Variants in AMBP observed in about 807,000 individuals in gnomAD.
AMBP encodes the protein protein AMBP.
Under a neutral mutation model 46.3 loss-of-function variants are expected in AMBP, and 37 were observed. The ratio of observed to expected loss-of-function variants is 0.80; its 90% CI spans 0.61 to 1.05. The LOEUF (loss-of-function observed/expected upper bound fraction) is 1.05. Among genes scored for constraint, AMBP ranks in the 50% least tolerant of loss-of-function variants. AMBP has a pLI of 0.00. For synonymous variants in AMBP, 174 were observed against 175.9 expected (o/e 0.99, Z 0.09); for missense variants, 475 against 461.2 (o/e 1.03, Z -0.27).
At chr9:114,063,478 C>A (rs1846662915) in intron 6 of AMBP, among the ~76,000 whole-genome samples, 1 of 152,148 alleles carries the variant, frequency 6.6e-6, no homozygotes, top group Non-Finnish European at 1.5e-5. Flanking sequence ...TCTTCCAGAC[C>A]AGTCTTAAGC....
intron 8 of AMBP, 50 bp from the exon 9 acceptor site, chr9:114,061,148 A>C: frequency 1.3e-6 from 2 of 1,597,540 alleles, no homozygotes; most frequent in Non-Finnish European, 1.7e-6. Flanking sequence ...GTGACTGCTG[A>C]TCAGACATAC....
chr9:114,061,673 T>G (rs1846640811), intron 7 of AMBP, 82 bp from the exon 8 acceptor site: 1 of 1,409,160 alleles, frequency 7.1e-7, no homozygotes, highest in Non-Finnish European at 9.5e-7. Context: ...ATGCGCCATC[T>G]CATTTAATTT....
At chr9:114,072,800 A>C in intron 5 of AMBP, 125 bp downstream of exon 5, 2 of 727,868 alleles carry the variant, frequency 2.7e-6, no homozygotes, top group East Asian at 5.5e-5. Context: ...TTCACTATGG[A>C]GGGGAGGCTG....
At chr9:114,065,616 C>T (rs760981801) in intron 6 of AMBP, among the ~76,000 whole-genome samples, 3 of 152,092 alleles carry the variant, frequency 2.0e-5, no homozygotes, top group Admixed American at 6.6e-5. Flanking sequence ...ATGTGCACCT[C>T]GGGGCAGTTC....
chr9:114,062,740 G>T lies in AMBP; in HGVS notation c.622C>A (p.Leu208Ile), dbSNP rs375306470. 4 of 1,614,086 alleles carry T rather than the reference G, an allele frequency of 2.5e-6. No homozygotes were observed. The highest frequency in any genetic ancestry group is 1.7e-4 in the Middle Eastern group (1 of 6,036). Residue 208 changes from leucine (L) to isoleucine (I), a missense_variant, in exon 7 of 10, where the codon CTA (leucine) becomes ATA (isoleucine). Coordinates refer to ENST00000265132, the MANE Select transcript of AMBP (RefSeq NM_001633.4). ...ILIPRVRRAV[L>I]PQEEEGSGGG... is the part of the protein sequence containing the mutation. ...CCTGATCCTTCCTCTTCTTGGGGTA[G>T]CACAGCCCTCCGGACTCTCTGCGGG... is the stretch of plus-strand genomic sequence containing the variant.
chr9:114,069,639 G>A (rs548297118), intron 6 of AMBP, 60 bp downstream of exon 6: 461 of 1,505,332 alleles, frequency 3.1e-4, no homozygotes, highest in Non-Finnish European at 4.0e-4. Context: ...AGTGTGCAGC[G>A]TGCCTGGGGC....
At chr9:114,074,802 G>T (rs1272233727) in intron 3 of AMBP, among the ~76,000 whole-genome samples, 158 bp downstream of exon 3, 1 of 152,086 alleles carries the variant, frequency 6.6e-6, no homozygotes, top group Non-Finnish European at 1.5e-5. Context: ...AGGAGAGGAG[G>T]AGAAGGAGGA....
intron 6 of AMBP, among the ~76,000 whole-genome samples, chr9:114,064,650 C>A (rs1846675159): frequency 6.8e-6 from 1 of 146,044 alleles, no homozygotes; most frequent in Non-Finnish European, 1.5e-5. Flanking sequence ...CCCCCCAATA[C>A]CTAACATTTA....
intron 7 of AMBP, among the ~76,000 whole-genome samples, chr9:114,062,265 T>TG (rs916930316): frequency 9.9e-5 from 15 of 152,244 alleles, no homozygotes; most frequent in African/African-American, 3.4e-4. Context: ...CTGATCGAGT[T>TG]GGAGAGGAAG....
At chr9:114,067,600 TG>T (rs1846706883) in intron 6 of AMBP, among the ~76,000 whole-genome samples, 2 of 152,176 alleles carry the variant, frequency 1.3e-5, no homozygotes, top group African/African-American at 4.8e-5. Flanking sequence ...AGACAGGTTT[TG>T]TTAAGATGTT....
Position 114,074,185 on chromosome 9 carries a change from C to G in AMBP, c.338-33G>C, listed in dbSNP as rs1053383313. 4 of 1,568,116 alleles carry G rather than the reference C, an allele frequency of 2.6e-6. No individual in the cohort carries two copies. The African/African-American group carries it at 5.4e-5, about 21-fold the overall frequency. On this transcript the variant is annotated intron_variant, in intron 3 of 9. Transcript: ENST00000265132. ...GGAGGTGCAGGCAGACCAAAGGGAT[C>G]AGTGGTCAGTAGACTCTTCTAGCTG...
intron 7 of AMBP, 107 bp downstream of exon 7, chr9:114,062,570 C>G: frequency 8.7e-7 from 1 of 1,155,160 alleles, no homozygotes; most frequent in Non-Finnish European, 1.3e-6. Flanking sequence ...CCTTGAGTCT[C>G]TAACAGATAA....
Position 114,078,074 on chromosome 9 carries a change from C to G in AMBP, c.117+19G>C. 6.2e-7 allele frequency: 1 copy of G among 1,613,704 alleles called. No homozygotes were observed. Among genetic ancestry groups the G allele is most frequent in the Non-Finnish European group, 8.5e-7 (1 of 1,179,754 alleles). On this transcript the variant is annotated intron_variant, in intron 1 of 9. Transcript: ENST00000265132. ...CCCCATCACCACATCCACCCTACCA[C>G]AGAGAGCGGCAGCCTTACCCGAGAG...
intron 4 of AMBP, 117 bp downstream of exon 4, chr9:114,073,919 T>C (rs543323577): frequency 2.8e-5 from 25 of 900,408 alleles, no homozygotes; most frequent in Non-Finnish European, 4.6e-5. Flanking sequence ...TTTCTCCAAA[T>C]TGGAGTTTTG....
rs1846627605 is a variant in AMBP at position 114,060,850 on chromosome 9, T to C, written c.1027+75A>G. The C allele has an allele frequency of 2.2e-5, 34 of 1,517,708 alleles. No individual in the cohort carries two copies. In the South Asian group the frequency reaches 4.2e-4, roughly 19 times the overall value. 94.0% of individuals were successfully genotyped at this position (1,517,708 alleles called of 1,614,324 possible). ...TCCAGAACTCAGCTCTCCAGACCCC[T>C]ACTCCTCCCAGGGCTCTCCCACCTC... On this transcript the variant is annotated intron_variant, in intron 9 of 9. Transcript: ENST00000265132.
chr9:114,060,811 T>C, intron 9 of AMBP, 114 bp downstream of exon 9: 1 of 1,236,258 alleles, frequency 8.1e-7, no homozygotes. Flanking sequence ...ATGGGCTGCT[T>C]ACCAGGTACA....
chr9:114,061,334 T>C (rs1564370402), intron 8 of AMBP, 90 bp downstream of exon 8: 1 of 1,584,324 alleles, frequency 6.3e-7, no homozygotes, highest in Non-Finnish European at 8.6e-7. Flanking sequence ...GAATGCCCTC[T>C]GTTAGCTACC....
Position 114,069,716 on chromosome 9 carries a change from C to T in AMBP, c.586G>A (p.Glu196Lys). The T allele has an allele frequency of 1.9e-6, 3 of 1,613,884 alleles. No individual in the cohort carries two copies. The highest frequency in any genetic ancestry group is 1.7e-4 in the Middle Eastern group (1 of 5,978). The stretch of plus-strand genomic sequence containing the variant: ...GCACTCACCGGGATTAAGATGGGCT[C>T]TGGTTCCTGCTCCCCAGGGACACAT... The part of the protein sequence containing the change: ...GECVPGEQEP[E>K]PILIPRVRRA... Residue 196 changes from glutamate (E) to lysine (K), a missense_variant, in exon 6 of 10, where the codon GAG becomes AAG. This residue lies in a region of AMBP where 293 missense variants were observed against 276.9 expected (regional missense o/e 1.06). Transcript: ENST00000265132.
Position 114,065,931 on chromosome 9 carries a change from G to A in AMBP, c.604-3173C>T, listed in dbSNP as rs79105551. On this transcript the variant is annotated intron_variant, in intron 6 of 9. Transcript: ENST00000265132. ...CCTGAATAAGAGAAAGAGCCCAGCT[G>A]TGGTGGACACCTTAATAAACTACCT... Among the ~76,000 whole-genome samples, 1,341 of 152,340 alleles carry A rather than the reference G, an allele frequency of 8.8e-3. 27 individuals are homozygous for A. Among genetic ancestry groups the A allele is most frequent in the African/African-American group, 0.031 (1,272 of 41,568 alleles).
Sources: gnomAD v4.1 joint callset for allele counts (sites outside exome capture counted in the v4.1 genomes callset) on GRCh38, gnomAD v4.1.1 for gene constraint, gnomAD v4.1.1 regional missense constraint, MANE v1.5 for transcripts, NCBI Gene and HGNC (gene_info 2026-07-23, HGNC 2026-07-21) for gene names.